The following CDH13 variants were observed in gnomAD, a reference collection of about 807,000 sequenced individuals.
CDH13 encodes cadherin 13.
Under a neutral mutation model 63.8 loss-of-function variants are expected in CDH13, and 24 were observed. The ratio of observed to expected loss-of-function variants is 0.38; its 90% CI spans 0.27 to 0.53. The LOEUF is 0.53. Ranked by LOEUF, CDH13 falls within the 20% of genes least tolerant of loss-of-function variation. The probability of loss-of-function intolerance (pLI) is 0.85; values close to 1 mark genes in which losing one functional copy is unlikely to be tolerated. For missense variants in CDH13, 1,049 were observed against 903.1 expected (o/e 1.16, Z -2.07); for synonymous variants, 503 against 355.3 (o/e 1.42, Z -4.67).
chr16:83,123,436 T>C (rs1003485838), intron 3 of CDH13, among the ~76,000 whole-genome samples: 15 of 152,106 alleles, frequency 9.9e-5, no homozygotes, highest in African/African-American at 3.4e-4. Context: ...TGCACCACCA[T>C]GCCCGGCTAA....
At chr16:83,344,387 C>G (rs2090792561) in intron 5 of CDH13, among the ~76,000 whole-genome samples, 1 of 152,218 alleles carries the variant, frequency 6.6e-6, no homozygotes, top group African/African-American at 2.4e-5. Flanking sequence ...AGTTCCTAGC[C>G]TGAGGAAAGC....
At chr16:83,484,717 T>C (rs1252371131) in intron 6 of CDH13, among the ~76,000 whole-genome samples, 1 of 152,120 alleles carries the variant, frequency 6.6e-6, no homozygotes, top group East Asian at 1.9e-4. Flanking sequence ...CCTTATAGAG[T>C]TGTTCTATGC....
chr16:83,717,422 C>T (rs1212569806), intron 10 of CDH13, among the ~76,000 whole-genome samples: 3 of 152,224 alleles, frequency 2.0e-5, no homozygotes, highest in Non-Finnish European at 4.4e-5. Flanking sequence ...GCCTGGTTCA[C>T]CGCACGTGAA....
At chr16:83,346,787 T>C (rs1216832804) in intron 6 of CDH13, among the ~76,000 whole-genome samples, 2 of 152,258 alleles carry the variant, frequency 1.3e-5, no homozygotes, top group Non-Finnish European at 2.9e-5. Context: ...GTATTTTTTA[T>C]GTATGTTTTT....
At chr16:83,072,582 A>G (rs1029891072) in intron 3 of CDH13, among the ~76,000 whole-genome samples, 1 of 152,154 alleles carries the variant, frequency 6.6e-6, no homozygotes, top group African/African-American at 2.4e-5. Context: ...TGAAGTCAGA[A>G]CAGTTGGATT....
rs115462104 is a variant in CDH13, at chr16:83,414,709, G to A, written c.781+69703G>A. 3.5e-3 allele frequency among the ~76,000 whole-genome samples: 526 copies of A among 152,268 alleles called. 6 individuals carry two copies. Among genetic ancestry groups the A allele is most frequent in the African/African-American group, 0.012 (508 of 41,562 alleles). On this transcript the variant is annotated intron_variant, in intron 6 of 13. Coordinates refer to ENST00000567109, the MANE Select transcript of CDH13 (RefSeq NM_001257.5). ...ACTGGTTTATTTCACGTCACATAATGTCTTCAAGATTCATCCATGTTGTTG... is the reference window on the plus strand; with the variant it reads ...ACTGGTTTATTTCACGTCACATAATATCTTCAAGATTCATCCATGTTGTTG...
intron 3 of CDH13, among the ~76,000 whole-genome samples, chr16:83,087,453 A>C (rs2033660341): frequency 6.6e-6 from 1 of 152,070 alleles, no homozygotes; most frequent in African/African-American, 2.4e-5. Context: ...GCAGATCACG[A>C]GGTCAGGAGT....
chr16:83,676,373 G>A (rs1043031192), intron 9 of CDH13, among the ~76,000 whole-genome samples: 2 of 152,184 alleles, frequency 1.3e-5, no homozygotes, highest in Non-Finnish European at 2.9e-5. Context: ...CTGCTGTTCA[G>A]AGGGCCCACC....
rs1346622961 is a variant in CDH13 at position 83,487,050 on chromosome 16, T to A, written c.960+395T>A. On this transcript the variant is annotated intron_variant, in intron 7 of 13. Coordinates refer to ENST00000567109, the MANE Select transcript of CDH13 (RefSeq NM_001257.5). ...CCAAGATCACACAGGCTGTCCTTGT[T>A]GCAGAGTCAAATGCCCATGACTCCT... Among the ~76,000 whole-genome samples the A allele has an allele frequency of 2.0e-5, 3 of 152,132 alleles. No homozygotes were observed. The East Asian group carries it at 5.8e-4, about 29-fold the overall frequency.
At chr16:82,680,054 C>G (rs546048532) in intron 1 of CDH13, among the ~76,000 whole-genome samples, 33 of 152,136 alleles carry the variant, frequency 2.2e-4, no homozygotes, top group Non-Finnish European at 4.6e-4. Context: ...ATTTGCTTGT[C>G]CCTATCCACT....
At chr16:83,159,156 A>C (rs1275027290) in intron 4 of CDH13, among the ~76,000 whole-genome samples, 1 of 151,942 alleles carries the variant, frequency 6.6e-6, no homozygotes, top group African/African-American at 2.4e-5. Context: ...ACAGTAGAGG[A>C]TTGAAAATAA....
chr16:82,727,771 C>G (rs553602217), intron 1 of CDH13: 4 of 152,150 alleles, frequency 2.6e-5, no homozygotes, highest in Non-Finnish European at 4.4e-5. Context: ...CAAAGTTCTT[C>G]GTCTTGGAAG....
At chr16:83,018,749 A>G (rs1157534468) in intron 2 of CDH13, among the ~76,000 whole-genome samples, 2 of 152,136 alleles carry the variant, frequency 1.3e-5, no homozygotes, top group Non-Finnish European at 2.9e-5. Flanking sequence ...ATCTCTTACA[A>G]CCTATGGCTC....
intron 8 of CDH13, among the ~76,000 whole-genome samples, chr16:83,650,599 T>C (rs1209494885): frequency 1.3e-5 from 2 of 152,144 alleles, no homozygotes; most frequent in Non-Finnish European, 2.9e-5. Context: ...CATTTTTTAT[T>C]GTCACAGCTT....
At chr16:83,408,602 A>C (rs1233911262) in intron 6 of CDH13, among the ~76,000 whole-genome samples, 2 of 152,244 alleles carry the variant, frequency 1.3e-5, no homozygotes, top group African/African-American at 4.8e-5. Context: ...GCTCGATTAT[A>C]ATCTAATGAG....
intron 5 of CDH13, among the ~76,000 whole-genome samples, chr16:83,235,464 A>T (rs1000410075): frequency 1.3e-5 from 2 of 152,206 alleles, no homozygotes; most frequent in African/African-American, 2.4e-5. Context: ...GAATCGTGGC[A>T]TGTCAGGGCT....
chr16:82,915,707 T>C (rs2151272526), intron 2 of CDH13, among the ~76,000 whole-genome samples: 1 of 152,040 alleles, frequency 6.6e-6, no homozygotes, highest in South Asian at 2.1e-4. Flanking sequence ...GTTTTGATGA[T>C]TGTCTCTCTT....
Position 83,521,967 on chromosome 16 carries a change from A to G in CDH13, c.960+35312A>G, listed in dbSNP as rs181681631. On this transcript the variant is annotated intron_variant, in intron 7 of 13. Coordinates refer to ENST00000567109, the MANE Select transcript of CDH13 (RefSeq NM_001257.5). ...GAAACACGTTGTTATTTTTCAAGCGATTTTCTGAAGCTAGAGCCCCTCATG... is the reference window on the plus strand; with the variant it reads ...GAAACACGTTGTTATTTTTCAAGCGGTTTTCTGAAGCTAGAGCCCCTCATG... Among the ~76,000 whole-genome samples, 8 of 152,304 alleles carry G rather than the reference A, an allele frequency of 5.3e-5. No individual in the cohort carries two copies. The South Asian group carries it at 6.2e-4, about 12-fold the overall frequency.
intron 11 of CDH13, among the ~76,000 whole-genome samples, chr16:83,755,509 T>C (rs76089143): frequency 0.053 from 8,060 of 152,108 alleles, 283 homozygotes; most frequent in Non-Finnish European, 0.077. Context: ...AACACTGAAA[T>C]CAAACTGATG....
Sources: allele counts gnomAD v4.1 joint callset (sites outside exome capture counted in the v4.1 genomes callset), GRCh38; gene constraint gnomAD v4.1.1; transcripts MANE v1.5; gene names NCBI Gene and HGNC (gene_info 2026-07-23, HGNC 2026-07-21).